The following PIR variants were observed in gnomAD, a reference collection of about 807,000 sequenced individuals.
PIR encodes the protein pirin.
Under a neutral mutation model 24.2 loss-of-function variants are expected in PIR, and 22 were observed. The ratio of observed to expected loss-of-function variants is 0.91; its 90% confidence interval spans 0.65 to 1.30. The LOEUF (loss-of-function observed/expected upper bound fraction) is 1.30, where lower values mean the gene tolerates loss of function less well. PIR is among the 50% of genes most tolerant of loss of function. The pLI is 0.00. For synonymous variants in PIR, 80 were observed against 79.6 expected (o/e 1.00, Z -0.03); for missense variants, 220 against 220.3 (o/e 1.00, Z 0.01).
intron 3 of PIR, among the ~76,000 whole-genome samples, chrX:15,468,565 T>C (rs747776840): frequency 2.7e-5 from 3 of 112,589 alleles, no homozygotes; most frequent in Non-Finnish European, 5.6e-5. Flanking sequence ...AATATTTAAT[T>C]AAGCAGCTGA....
rs11308485 is a variant in PIR, at chrX:15,409,095, C to CTT, written c.566-1547_566-1546dup. ...ATTCATAGCTTACTCGTTTTTCTCC[C>CTT]TTTTTTTTTTTTTTTTTTTTTGAGA... On this transcript the variant is annotated intron_variant, in intron 6 of 9. Coordinates refer to ENST00000380420, the MANE Select transcript of PIR (RefSeq NM_001018109.3). 5.5e-3 allele frequency among the ~76,000 whole-genome samples: 334 copies of CTT among 60,404 alleles called. 6 individuals carry two copies. The highest frequency in any genetic ancestry group is 0.018 in the African/African-American group (279 of 15,311). 52.5% of individuals were successfully genotyped at this position (60,404 alleles called of 115,157 possible). A position where few individuals can be genotyped will look rare whatever the true frequency, so the allele number is the denominator to read the frequency against.
At chrX:15,470,412 G>A (rs1450740547) in intron 3 of PIR, among the ~76,000 whole-genome samples, 1 of 111,348 alleles carries the variant, frequency 9.0e-6, no homozygotes, top group Non-Finnish European at 1.9e-5. Flanking sequence ...TTTGTTAATA[G>A]TGTGGACAAT....
rs11406856 is a variant in PIR, at chrX:15,434,714, G to GTT, written c.481-8726_481-8725dup. ...TCTCATCAATTTACATGAGAGGTTT[G>GTT]TTTTTTTTTTTTTTCAATAAAGTAA... On this transcript the variant is annotated intron_variant, in intron 5 of 9. Transcript: ENST00000380420. 6.6e-3 allele frequency among the ~76,000 whole-genome samples: 618 copies of GTT among 92,976 alleles called. 7 individuals carry two copies. The highest frequency in any genetic ancestry group is 0.02 in the African/African-American group (517 of 25,702). The allele number at this position is 92,976 out of a possible 115,157, so 80.7% of individuals were successfully genotyped here. A position where few individuals can be genotyped will look rare whatever the true frequency, so the allele number is the denominator to read the frequency against.
chrX:15,459,868 T>C (rs1921228588), intron 3 of PIR, 128 bp from the exon 4 acceptor site: 3 of 348,387 alleles, frequency 8.6e-6, no homozygotes, highest in East Asian at 8.4e-5. Flanking sequence ...TATTGGATAA[T>C]ATGGTTTGCA....
At chrX:15,430,166 C>G (rs1925460610) in intron 5 of PIR, among the ~76,000 whole-genome samples, 1 of 111,721 alleles carries the variant, frequency 9.0e-6, no homozygotes, top group Admixed American at 9.5e-5. Flanking sequence ...CCCTATAAAT[C>G]CGTTGCAGCA....
At chrX:15,445,955 G>A (rs1011866055) in intron 5 of PIR, among the ~76,000 whole-genome samples, 2 of 98,710 alleles carry the variant, frequency 2.0e-5, no homozygotes, top group East Asian at 3.3e-4. Context: ...TCAGCCTCCC[G>A]AGTAGCTGGG....
chrX:15,419,106 T>C (rs1341006057), intron 6 of PIR, among the ~76,000 whole-genome samples: 1 of 110,607 alleles, frequency 9.0e-6, no homozygotes, highest in Non-Finnish European at 1.9e-5. Flanking sequence ...ATGATGGAAT[T>C]TGACCTGGAA....
chrX:15,396,898 G>A (rs1263109480), intron 8 of PIR, among the ~76,000 whole-genome samples: 2 of 111,296 alleles, frequency 1.8e-5, no homozygotes, highest in Non-Finnish European at 3.8e-5. Flanking sequence ...CTGCCACCAT[G>A]TCCGGCTAAT....
chrX:15,421,484 C>A (rs1440378436), intron 6 of PIR, among the ~76,000 whole-genome samples: 6 of 110,537 alleles, frequency 5.4e-5, no homozygotes, highest in Non-Finnish European at 1.1e-4. Flanking sequence ...CATAGAAATA[C>A]AAAGAATCAT....
intron 5 of PIR, among the ~76,000 whole-genome samples, chrX:15,443,188 C>T (rs936002977): frequency 1.8e-5 from 2 of 112,053 alleles, no homozygotes; most frequent in African/African-American, 3.2e-5. Context: ...GCTAAATCTA[C>T]ACTACTTGTG....
intron 2 of PIR, among the ~76,000 whole-genome samples, chrX:15,485,776 C>A (rs1257597600): frequency 1.5e-4 from 17 of 112,200 alleles, no homozygotes. Context: ...GGTATTAGTC[C>A]TCGTCAAACT....
chrX:15,491,821 C>T (rs1923181445), intron 1 of PIR, among the ~76,000 whole-genome samples: 1 of 111,073 alleles, frequency 9.0e-6, no homozygotes, highest in South Asian at 3.9e-4. Context: ...ACCATATATC[C>T]TACTACACAC....
At chrX:15,468,085 T>C (rs1199361292) in intron 3 of PIR, among the ~76,000 whole-genome samples, 5 of 112,576 alleles carry the variant, frequency 4.4e-5, no homozygotes, top group Non-Finnish European at 9.4e-5. Context: ...CTGAAGGGAA[T>C]GGTTTGCTAA....
At chrX:15,385,199 C>A in intron 9 of PIR, 83 bp from the exon 10 acceptor site, 1 of 467,756 alleles carries the variant, frequency 2.1e-6, no homozygotes. Flanking sequence ...TTCTGTAGTT[C>A]TTAATTTAAA....
intron 5 of PIR, among the ~76,000 whole-genome samples, chrX:15,433,452 AAGAAGG>A (rs1228307656): frequency 3.9e-4 from 41 of 105,055 alleles, no homozygotes; most frequent in South Asian, 2.2e-3. Context: ...AAGAAAGAAG[AAGAAGG>A]AGAAGGAGAA....
intron 4 of PIR, among the ~76,000 whole-genome samples, chrX:15,458,195 C>G (rs1189829212): frequency 9.0e-6 from 1 of 111,595 alleles, no homozygotes; most frequent in Non-Finnish European, 1.9e-5. Flanking sequence ...AATACTTTAC[C>G]TAAAATGGCC....
At chrX:15,407,307 C>A (rs1924578790) in intron 7 of PIR, among the ~76,000 whole-genome samples, 199 bp downstream of exon 7, 1 of 112,251 alleles carries the variant, frequency 8.9e-6, no homozygotes, top group South Asian at 3.7e-4. Flanking sequence ...TGTTCATATT[C>A]TCTTCCCTCA....
At chrX:15,466,911 T>TGGAG (rs888574107) in intron 3 of PIR, among the ~76,000 whole-genome samples, 1 of 112,439 alleles carries the variant, frequency 8.9e-6, no homozygotes, top group African/African-American at 3.2e-5. Context: ...AACCATGGTT[T>TGGAG]GTTTCTTCTT....
At chrX:15,467,489 C>T (rs760581869) in intron 3 of PIR, among the ~76,000 whole-genome samples, 1 of 111,884 alleles carries the variant, frequency 8.9e-6, no homozygotes, top group East Asian at 2.8e-4. Context: ...GGCAAACTGG[C>T]TATTTCAGGC....
Sources: gnomAD v4.1 joint callset for allele counts (sites outside exome capture counted in the v4.1 genomes callset) on GRCh38, gnomAD v4.1.1 for gene constraint, MANE v1.5 for transcripts, NCBI Gene and HGNC (gene_info 2026-07-23, HGNC 2026-07-21) for gene names.